ERG: variants seen among roughly 807,000 people sequenced by gnomAD.
The protein encoded by ERG is ETS transcription factor ERG.
A neutral mutation model predicts 55.3 loss-of-function variants in ERG; 9 were observed. The ratio of observed to expected loss-of-function variants is 0.16; its 90% confidence interval spans 0.10 to 0.28. The LOEUF is 0.28. ERG is among the 10% of genes least tolerant of loss of function. The pLI is 1.00. For synonymous variants in ERG, 223 were observed against 237.3 expected (o/e 0.94, Z 0.55); for missense variants, 434 against 631.6 (o/e 0.69, Z 3.35).
chr21:38,649,445 C>T lies in ERG; in HGVS notation c.-150+12213G>A, dbSNP rs111799515. Among the ~76,000 whole-genome samples the T allele has an allele frequency of 3.5e-4, 54 of 152,268 alleles. 1 individual carries two copies. Among genetic ancestry groups the T allele is most frequent in the African/African-American group, 1.2e-3 (49 of 41,544 alleles). ...GTTACCGGGGATGACACGCTTTTTC[C>T]GACAAGATTTTAAGCACTTGTGGCT... is the stretch of plus-strand genomic sequence containing the variant. On this transcript the variant is annotated intron_variant, in intron 1 of 10. Coordinates refer to the ERG transcript ENST00000398910.
At chr21:38,396,343 A>G (rs1241291310) in intron 6 of ERG, among the ~76,000 whole-genome samples, 2 of 152,222 alleles carry the variant, frequency 1.3e-5, no homozygotes, top group Non-Finnish European at 2.9e-5. Context: ...AGCGGAAGCA[A>G]AGAATGCAAT....
intron 2 of ERG, among the ~76,000 whole-genome samples, chr21:38,435,315 C>T (rs988581353): frequency 6.6e-6 from 1 of 152,142 alleles, no homozygotes; most frequent in African/African-American, 2.4e-5. Context: ...ATTTTTAGGA[C>T]CCCAGACAAG....
intron 2 of ERG, among the ~76,000 whole-genome samples, chr21:38,538,383 T>TA (rs987811950): frequency 8.3e-4 from 123 of 147,518 alleles, no homozygotes; most frequent in Middle Eastern, 3.5e-3. Context: ...TTCTTCTCAT[T>TA]AAAAAAAAAA....
At chr21:38,374,909 A>T in the ERG span, among the ~76,000 whole-genome samples, 2 of 151,984 alleles carry the variant, frequency 1.3e-5, no homozygotes, top group Admixed American at 1.3e-4. Flanking sequence ...TTGTTTTCTG[A>T]CCCCATGCCT....
chr21:38,645,865 A>G (rs2836587), intron 1 of ERG, among the ~76,000 whole-genome samples: 9,465 of 152,116 alleles, frequency 0.062, 944 homozygotes, highest in African/African-American at 0.21. Context: ...TGCAGGTACC[A>G]CTCTGATCTC....
At chr21:38,429,747 A>ACACG (rs1990116475) in intron 2 of ERG, among the ~76,000 whole-genome samples, 1 of 147,420 alleles carries the variant, frequency 6.8e-6, no homozygotes, top group Non-Finnish European at 1.5e-5. Flanking sequence ...ATATATATAT[A>ACACG]CACACACACA....
chr21:38,610,516 C>T (rs1332622201), intron 1 of ERG, among the ~76,000 whole-genome samples: 6 of 127,296 alleles, frequency 4.7e-5, no homozygotes, highest in South Asian at 2.6e-4. Context: ...AGTCCACGTG[C>T]GCGCACGCGC....
upstream of ERG, among the ~76,000 whole-genome samples, chr21:38,586,057 T>C (rs112005532): frequency 0.023 from 3,468 of 151,952 alleles, 63 homozygotes; most frequent in Non-Finnish European, 0.037. Context: ...GTCTTTGGCT[T>C]TCCAGTGTGA....
chr21:38,594,826 T>C (rs1036030979), intron 1 of ERG, among the ~76,000 whole-genome samples: 1 of 152,158 alleles, frequency 6.6e-6, no homozygotes, highest in Non-Finnish European at 1.5e-5. Flanking sequence ...ACAGCTACTT[T>C]ACGTGAGGAG....
At chr21:38,402,336 C>G (rs181977108) in intron 5 of ERG, among the ~76,000 whole-genome samples, 1 of 152,062 alleles carries the variant, frequency 6.6e-6, no homozygotes, top group African/African-American at 2.4e-5. Context: ...AAAAAGGAAC[C>G]CTTTGATAAT....
intron 2 of ERG, among the ~76,000 whole-genome samples, chr21:38,436,020 C>CTTTTTTTTTT (rs11384369): frequency 7.5e-6 from 1 of 133,334 alleles, no homozygotes. Flanking sequence ...TTCTTTTTTT[C>CTTTTTTTTTT]TTTTTTTTTT....
intron 2 of ERG, among the ~76,000 whole-genome samples, chr21:38,511,103 G>A (rs1278171061): frequency 1.3e-5 from 2 of 152,138 alleles, no homozygotes; most frequent in Non-Finnish European, 2.9e-5. Context: ...CCTAACAAAT[G>A]TTTCCCCCTG....
At chr21:38,632,536 T>C (rs999541849) in intron 1 of ERG, among the ~76,000 whole-genome samples, 8 of 152,138 alleles carry the variant, frequency 5.3e-5, no homozygotes, top group African/African-American at 1.9e-4. Flanking sequence ...AGCAGGTCTT[T>C]CCTGTGTTGT....
chr21:38,520,862 G>A (rs145961470), intron 2 of ERG, among the ~76,000 whole-genome samples: 42 of 152,284 alleles, frequency 2.8e-4, no homozygotes, highest in African/African-American at 9.6e-4. Context: ...TACAAGATTG[G>A]GGAGAGCAGA....
intron 1 of ERG, among the ~76,000 whole-genome samples, chr21:38,614,214 G>A (rs2060245630): frequency 6.6e-6 from 1 of 152,162 alleles, no homozygotes; most frequent in South Asian, 2.1e-4. Flanking sequence ...TTGTTTCCAT[G>A]AGCCCATAGA....
At chr21:38,574,483 C>G (rs1217088498) in intron 2 of ERG, among the ~76,000 whole-genome samples, 1 of 152,158 alleles carries the variant, frequency 6.6e-6, no homozygotes, top group East Asian at 1.9e-4. Flanking sequence ...GAAGGAGCAC[C>G]CACAAAGCTC....
At chr21:38,433,032 C>T (rs1057215728) in intron 2 of ERG, among the ~76,000 whole-genome samples, 1 of 152,124 alleles carries the variant, frequency 6.6e-6, no homozygotes, top group African/African-American at 2.4e-5. Flanking sequence ...GGCAGGGCCC[C>T]GTGGGAGACT....
chr21:38,588,950 C>T (rs1465188164), upstream of ERG, among the ~76,000 whole-genome samples: 4 of 152,062 alleles, frequency 2.6e-5, no homozygotes, highest in Admixed American at 6.6e-5. Context: ...AGGCCAATCT[C>T]GAACTCCTGG....
chr21:38,373,372 C>T, the ERG span, among the ~76,000 whole-genome samples: 3 of 152,266 alleles, frequency 2.0e-5, no homozygotes, highest in Admixed American at 1.3e-4. Flanking sequence ...AACTACTCTA[C>T]CTTGGGCTTG....
Sources: gnomAD v4.1 joint callset for allele counts (sites outside exome capture counted in the v4.1 genomes callset) on GRCh38, gnomAD v4.1.1 for gene constraint, MANE v1.5 for transcripts, NCBI Gene and HGNC (gene_info 2026-07-23, HGNC 2026-07-21) for gene names.